The following DNAH11 variants were observed in gnomAD, a reference collection of about 807,000 sequenced individuals.
DNAH11 encodes dynein axonemal heavy chain 11, also known as axonemal beta dynein heavy chain 11.
Under a neutral mutation model 526.0 loss-of-function variants are expected in DNAH11, and 442 were observed. The observed-to-expected ratio is 0.84, with a 90% CI of 0.78 to 0.91. The LOEUF is 0.91. Among genes scored for constraint, DNAH11 ranks in the 40% least tolerant of loss-of-function variants. DNAH11 has a pLI of 0.00. For synonymous variants in DNAH11, 2,461 were observed against 1,935.9 expected, an observed-to-expected ratio of 1.27 and a Z score of -7.12; for missense variants, 6,989 against 5,448.7, an observed-to-expected ratio of 1.28 and a Z score of -8.90.
At chr7:21,883,072 T>C (rs924782237) in intron 75 of DNAH11, among the ~76,000 whole-genome samples, 6 of 152,218 alleles carry the variant, frequency 3.9e-5, no homozygotes, top group Non-Finnish European at 8.8e-5. Context: ...ACCCCTCTCT[T>C]ATTTTTCATT....
chr7:21,647,217 A>G lies in DNAH11; in HGVS notation c.4944+8152A>G, dbSNP rs1787394651. ...ATTGATGAAAAGTACAAAAGTGTAA[A>G]TTCACAGACTTAAGAAATTTAATGA... On this transcript the variant is annotated intron_variant, in intron 28 of 81. Transcript: ENST00000409508. Among the ~76,000 whole-genome samples the G allele has an allele frequency of 2.0e-5, 3 of 152,150 alleles. No individual in the cohort carries two copies. In the South Asian group the frequency reaches 6.2e-4, roughly 32 times the overall value.
At chr7:21,558,612 C>T (rs1783315148) in intron 2 of DNAH11, among the ~76,000 whole-genome samples, 190 bp from the exon 3 acceptor site, 1 of 152,156 alleles carries the variant, frequency 6.6e-6, no homozygotes, top group Non-Finnish European at 1.5e-5. Flanking sequence ...ATGCTAATTC[C>T]ACTTTGACAG....
rs1231364040 is a variant in DNAH11, at chr7:21,591,498, T to G, written c.2588T>G (p.Leu863Trp). ...CACAGACGAGAGGCAGCCTTCACCTTGGAGGACAAGGGTGATTTGTTTACA... is the reference window on the plus strand; with the variant it reads ...CACAGACGAGAGGCAGCCTTCACCTGGGAGGACAAGGGTGATTTGTTTACA... The part of the protein sequence containing the change: ...REHRREAAFT[L>W]EDKGDLFTKK... Residue 863 changes from leucine to tryptophan, a missense_variant, in exon 14 of 82, where the codon TTG (leucine) becomes TGG (tryptophan). Transcript: ENST00000409508. 3.7e-6 allele frequency: 6 copies of G among 1,612,288 alleles called. 1 individual carries two copies. The highest frequency in any genetic ancestry group is 3.4e-6 in the Non-Finnish European group (4 of 1,178,706).
chr7:21,612,431 A>T (rs769352306), intron 20 of DNAH11, among the ~76,000 whole-genome samples: 4 of 151,792 alleles, frequency 2.6e-5, no homozygotes, highest in East Asian at 3.9e-4. Context: ...GGCAGGCGCC[A>T]GTAGTCCCAG....
intron 80 of DNAH11, 146 bp from the exon 81 acceptor site, chr7:21,899,834 A>G: frequency 1.0e-6 from 1 of 970,856 alleles, no homozygotes; most frequent in Non-Finnish European, 1.5e-6. Context: ...TAGTTGGCCA[A>G]CCCCCTGCTC....
chr7:21,607,107 C>G (rs752485353), intron 20 of DNAH11, among the ~76,000 whole-genome samples: 2 of 152,138 alleles, frequency 1.3e-5, no homozygotes, highest in South Asian at 2.1e-4. Flanking sequence ...AGTAGGGGAG[C>G]CAGCATTGCG....
chr7:21,886,667 C>CG (rs1554292650), intron 76 of DNAH11, among the ~76,000 whole-genome samples: 1 of 152,088 alleles, frequency 6.6e-6, no homozygotes, highest in Non-Finnish European at 1.5e-5. Context: ...GAGGAGCTCC[C>CG]CTAGCTCTGG....
At chr7:21,860,510 A>T (rs1265045632) in intron 68 of DNAH11, among the ~76,000 whole-genome samples, 1 of 152,238 alleles carries the variant, frequency 6.6e-6, no homozygotes, top group East Asian at 1.9e-4. Flanking sequence ...TCATAGTAGC[A>T]TTATTTACAA....
intron 2 of DNAH11, among the ~76,000 whole-genome samples, chr7:21,555,686 C>A (rs144702163): frequency 6.6e-6 from 1 of 152,204 alleles, no homozygotes; most frequent in African/African-American, 2.4e-5. Flanking sequence ...TTGTGCATGA[C>A]GTTGCCTGGT....
At chr7:21,644,720 G>C (rs748427892) in intron 28 of DNAH11, among the ~76,000 whole-genome samples, 2 of 152,198 alleles carry the variant, frequency 1.3e-5, no homozygotes, top group South Asian at 4.1e-4. Context: ...TGAAAGTGTA[G>C]TCTGTCACAG....
Position 21,588,126 on chromosome 7 carries a change from T to C in DNAH11, c.1773T>C (p.His591=), listed in dbSNP as rs1325191043. 6.2e-7 allele frequency: 1 copy of C among 1,613,328 alleles called. No homozygotes were observed. The highest frequency in any genetic ancestry group is 2.2e-5 in the East Asian group (1 of 44,822). ...TTGTCATGGAAATTTTCAGCCTACA[T>C]TACAGCACACTAGTGCATATGTTTA... is the stretch of plus-strand genomic sequence containing the variant. The part of the protein sequence containing the change: ...KPVVMEIFSL[H]YSTLVHMFNT... The change falls in exon 10 of 82, where the codon CAT becomes CAC. Residue 591 remains histidine, a synonymous_variant. Coordinates refer to ENST00000409508, the MANE Select transcript of DNAH11 (RefSeq NM_001277115.2).
At chr7:21,887,032 C>T (rs12154628) in intron 76 of DNAH11, among the ~76,000 whole-genome samples, 31,011 of 152,194 alleles carry the variant, frequency 0.2, 3,753 homozygotes, top group Non-Finnish European at 0.27. Flanking sequence ...ATATGATTAG[C>T]AACATGATCT....
At chr7:21,651,186 C>T (rs1037140358) in intron 28 of DNAH11, among the ~76,000 whole-genome samples, 3 of 152,016 alleles carry the variant, frequency 2.0e-5, no homozygotes, top group African/African-American at 7.2e-5. Flanking sequence ...CTGAGGTGCT[C>T]ACCAGGCAGG....
intron 72 of DNAH11, among the ~76,000 whole-genome samples, chr7:21,868,372 G>A (rs894341363): frequency 6.6e-6 from 1 of 151,988 alleles, no homozygotes; most frequent in Non-Finnish European, 1.5e-5. Context: ...TTTGTGTTCT[G>A]GATTACCATT....
At chr7:21,626,833 C>CTCTGCCTT (rs1035780656) in intron 25 of DNAH11, among the ~76,000 whole-genome samples, 12 of 146,006 alleles carry the variant, frequency 8.2e-5, no homozygotes, top group African/African-American at 2.8e-4. Context: ...TCACTGCAAG[C>CTCTGCCTT]TCTGCCTTCC....
intron 65 of DNAH11, among the ~76,000 whole-genome samples, chr7:21,824,085 G>A (rs1790173024): frequency 6.6e-6 from 1 of 152,158 alleles, no homozygotes; most frequent in Non-Finnish European, 1.5e-5. Flanking sequence ...TTGCTAAACT[G>A]AGAAAACTTT....
At chr7:21,842,852 C>T (rs1583762025) in intron 66 of DNAH11, 104 bp downstream of exon 66, 3 of 998,330 alleles carry the variant, frequency 3.0e-6, no homozygotes, top group Admixed American at 3.0e-5. Context: ...CCTCTAGAAT[C>T]CTGCAACCTA....
At chr7:21,741,129 C>G (rs1032843357) in intron 48 of DNAH11, among the ~76,000 whole-genome samples, 1 of 152,180 alleles carries the variant, frequency 6.6e-6, no homozygotes, top group Non-Finnish European at 1.5e-5. Flanking sequence ...CCCTTAGGCA[C>G]TGATATTTTC....
chr7:21,608,247 A>T (rs1285459695), intron 20 of DNAH11, among the ~76,000 whole-genome samples: 2 of 152,200 alleles, frequency 1.3e-5, no homozygotes, highest in Non-Finnish European at 2.9e-5. Flanking sequence ...GTGGGCAAAG[A>T]ATCCAAATGG....
Sources: gnomAD v4.1 joint callset for allele counts (sites outside exome capture counted in the v4.1 genomes callset) on GRCh38, gnomAD v4.1.1 for gene constraint, MANE v1.5 for transcripts, NCBI Gene and HGNC (gene_info 2026-07-23, HGNC 2026-07-21) for gene names.